Variants in LARGE1 observed in about 807,000 individuals in gnomAD.
LARGE1 encodes the protein LARGE xylosyl- and glucuronyltransferase 1, also known as xylosyl- and glucuronyltransferase LARGE1.
In LARGE1, 43 loss-of-function variants were observed where a neutral mutation model predicts 87.6. The ratio of observed to expected loss-of-function variants is 0.49; its 90% CI spans 0.38 to 0.63. The LOEUF is 0.63. Among genes scored for constraint, LARGE1 ranks in the 30% least tolerant of loss-of-function variants. The pLI is 0.00. For missense variants in LARGE1, 802 were observed against 1,000.2 expected (o/e 0.80, Z 2.67); for synonymous variants, 434 against 394.6 (o/e 1.10, Z -1.18).
rs150834807 is a variant in LARGE1 at position 33,421,408 on chromosome 22, A to G, written c.892+10753T>C. On this transcript the variant is annotated intron_variant, in intron 7 of 14. Coordinates refer to ENST00000397394, the MANE Select transcript of LARGE1 (RefSeq NM_133642.5). Reference sequence around the variant, plus strand: ...GTTCATTCCCCAGAATAAGGGAGCTAGTAACAGGTGGAGGTGGGACTTGGA... The same window carrying G: ...GTTCATTCCCCAGAATAAGGGAGCTGGTAACAGGTGGAGGTGGGACTTGGA... 2.3e-3 allele frequency among the ~76,000 whole-genome samples: 353 copies of G among 152,294 alleles called. 2 individuals carry two copies. Among genetic ancestry groups the G allele is most frequent in the African/African-American group, 7.7e-3 (318 of 41,558 alleles).
intron 2 of LARGE1, among the ~76,000 whole-genome samples, chr22:33,651,774 A>C (rs938237684): frequency 6.6e-6 from 1 of 152,214 alleles, no homozygotes. Flanking sequence ...ACAAGGAAAA[A>C]AGAAGTAGAA....
chr22:33,068,222 G>A, the LARGE1 span, among the ~76,000 whole-genome samples: 4 of 152,176 alleles, frequency 2.6e-5, no homozygotes, highest in Non-Finnish European at 2.9e-5. Flanking sequence ...CTATGGGCAG[G>A]TGGCATTTTA....
At chr22:33,347,444 T>C (rs1333578601) in intron 9 of LARGE1, among the ~76,000 whole-genome samples, 1 of 152,256 alleles carries the variant, frequency 6.6e-6, no homozygotes, top group Non-Finnish European at 1.5e-5. Context: ...ACATTTTGTC[T>C]GTCTACAGTA....
intron 9 of LARGE1, among the ~76,000 whole-genome samples, chr22:33,375,478 T>C (rs1034536660): frequency 1.1e-4 from 16 of 146,830 alleles, no homozygotes; most frequent in African/African-American, 4.3e-4. Flanking sequence ...TGAAACTCTG[T>C]CTCTCCTAAA....
intron 7 of LARGE1, among the ~76,000 whole-genome samples, chr22:33,416,752 C>T (rs543280553): frequency 4.6e-5 from 7 of 151,566 alleles, no homozygotes; most frequent in Non-Finnish European, 1.0e-4. Flanking sequence ...TACAGGCACC[C>T]GCCACCAGCC....
At chr22:33,078,520 A>C in the LARGE1 span, among the ~76,000 whole-genome samples, 1 of 152,234 alleles carries the variant, frequency 6.6e-6, no homozygotes, top group Non-Finnish European at 1.5e-5. Context: ...CAGAAAAATA[A>C]GTTAACATGT....
chr22:33,564,828 A>T lies in LARGE1; in HGVS notation c.787+20T>A, dbSNP rs1168925094. 1.2e-6 allele frequency: 2 copies of T among 1,613,822 alleles called. No homozygotes were observed. The highest frequency in any genetic ancestry group is 1.7e-6 in the Non-Finnish European group (2 of 1,179,964). ...ATACCTACAAGGATATCGGGGAAAA[A>T]ACGAATGGGCTACCATTACCTTTGA... On this transcript the variant is annotated intron_variant, in intron 6 of 14. Coordinates refer to ENST00000397394, the MANE Select transcript of LARGE1 (RefSeq NM_133642.5).
intron 5 of LARGE1, among the ~76,000 whole-genome samples, chr22:33,579,617 C>G (rs1022415449): frequency 2.6e-5 from 4 of 152,134 alleles, no homozygotes; most frequent in Non-Finnish European, 4.4e-5. Flanking sequence ...ATTACATGGG[C>G]GCACTACTGG....
At chr22:33,553,402 A>G (rs182914583) in intron 6 of LARGE1, among the ~76,000 whole-genome samples, 3 of 152,204 alleles carry the variant, frequency 2.0e-5, no homozygotes, top group Admixed American at 2.0e-4. Flanking sequence ...TACAGTCCCA[A>G]CTACTCTGGA....
chr22:33,864,622 TAG>T (rs2064031406), intron 1 of LARGE1, among the ~76,000 whole-genome samples: 1 of 152,144 alleles, frequency 6.6e-6, no homozygotes, highest in African/African-American at 2.4e-5. Context: ...ATGCATAGAA[TAG>T]AGACTCAAAT....
the LARGE1 span, among the ~76,000 whole-genome samples, chr22:33,100,315 A>T: frequency 7.0e-6 from 1 of 143,050 alleles, no homozygotes; most frequent in Non-Finnish European, 1.5e-5. Context: ...GCGCCACTGC[A>T]CTCCAGCCTA....
At chr22:33,251,376 T>C (rs1927004427) in intron 11 of LARGE1, among the ~76,000 whole-genome samples, 1 of 152,214 alleles carries the variant, frequency 6.6e-6, no homozygotes, top group African/African-American at 2.4e-5. Context: ...TTGTGATTTT[T>C]GGAGAAGAAA....
intron 1 of LARGE1, among the ~76,000 whole-genome samples, chr22:33,898,741 C>T (rs1222105906): frequency 1.3e-5 from 2 of 152,162 alleles, no homozygotes; most frequent in Non-Finnish European, 2.9e-5. Context: ...GCAACGAGAG[C>T]AAAACTCCAT....
chr22:33,868,977 G>A (rs767470533), intron 1 of LARGE1, among the ~76,000 whole-genome samples: 6 of 152,126 alleles, frequency 3.9e-5, no homozygotes, highest in Admixed American at 6.5e-5. Flanking sequence ...GATTCCAAAC[G>A]TGGGGTTGTG....
intron 1 of LARGE1, among the ~76,000 whole-genome samples, chr22:33,865,622 A>G (rs1173947686): frequency 1.3e-5 from 2 of 152,194 alleles, no homozygotes; most frequent in African/African-American, 2.4e-5. Flanking sequence ...ATAAGGATAA[A>G]AATAGGGTGA....
At chr22:33,812,088 A>G (rs1252673520) in intron 1 of LARGE1, among the ~76,000 whole-genome samples, 1 of 152,244 alleles carries the variant, frequency 6.6e-6, no homozygotes, top group African/African-American at 2.4e-5. Context: ...AACTAATTTG[A>G]CAGGTTCAAC....
At chr22:33,859,964 G>A (rs2063865312) in intron 1 of LARGE1, among the ~76,000 whole-genome samples, 1 of 152,130 alleles carries the variant, frequency 6.6e-6, no homozygotes, top group African/African-American at 2.4e-5. Context: ...GGGGCTGGGA[G>A]GAGGGGAAAA....
chr22:33,502,689 C>A (rs1014613102), intron 6 of LARGE1, among the ~76,000 whole-genome samples: 3 of 152,150 alleles, frequency 2.0e-5, no homozygotes, highest in African/African-American at 7.2e-5. Context: ...CTACCTCAGC[C>A]TCCCAAGTAG....
At chr22:33,678,969 G>C (rs1271158483) in intron 2 of LARGE1, among the ~76,000 whole-genome samples, 1 of 152,160 alleles carries the variant, frequency 6.6e-6, no homozygotes, top group Non-Finnish European at 1.5e-5. Flanking sequence ...ATTAACCTTA[G>C]AGCTTTGTAT....
Sources: gnomAD v4.1 joint callset for allele counts (sites outside exome capture counted in the v4.1 genomes callset) on GRCh38, gnomAD v4.1.1 for gene constraint, MANE v1.5 for transcripts, NCBI Gene and HGNC (gene_info 2026-07-23, HGNC 2026-07-21) for gene names.